Variants in UNC5D observed in about 807,000 individuals in gnomAD.
UNC5D encodes the protein netrin receptor UNC5D.
Under a neutral mutation model 105.4 loss-of-function variants are expected in UNC5D, and 39 were observed. The ratio of observed to expected loss-of-function variants is 0.37; its 90% CI spans 0.29 to 0.48. The LOEUF is 0.48. Among genes scored for constraint, UNC5D ranks in the 20% least tolerant of loss-of-function variants. The pLI is 0.98. For synonymous variants in UNC5D, 452 were observed against 450.4 expected (o/e 1.00, Z -0.04); for missense variants, 991 against 1,202.4 (o/e 0.82, Z 2.60).
chr8:35,513,288 G>A (rs1431422445), intron 1 of UNC5D, among the ~76,000 whole-genome samples: 5 of 148,446 alleles, frequency 3.4e-5, no homozygotes, highest in African/African-American at 1.3e-4. Context: ...AAGTGCAATG[G>A]TGCAGTCTCG....
At chr8:35,482,969 A>AT (rs1351436650) in intron 1 of UNC5D, among the ~76,000 whole-genome samples, 1 of 151,226 alleles carries the variant, frequency 6.6e-6, no homozygotes, top group African/African-American at 2.4e-5. Context: ...CGCCCGGCTA[A>AT]TTTTTGTATT....
intron 8 of UNC5D, among the ~76,000 whole-genome samples, chr8:35,710,619 G>A (rs527583671): frequency 1.5e-4 from 23 of 152,102 alleles, no homozygotes; most frequent in African/African-American, 1.9e-4. Context: ...AGATAATGGC[G>A]TGAATAGAGA....
intron 4 of UNC5D, among the ~76,000 whole-genome samples, chr8:35,608,098 A>C (rs1348473752): frequency 2.0e-5 from 3 of 152,208 alleles, no homozygotes; most frequent in Non-Finnish European, 4.4e-5. Context: ...TCAGGTTCCC[A>C]GGTTCCAAAT....
chr8:35,559,810 T>C (rs1050429697), intron 2 of UNC5D, among the ~76,000 whole-genome samples: 3 of 152,248 alleles, frequency 2.0e-5, no homozygotes, highest in Admixed American at 1.3e-4. Flanking sequence ...GAAAATCCTC[T>C]AACTTTTAGT....
chr8:35,612,723 CTTTTTTTTTTT>C (rs57450378), intron 4 of UNC5D, among the ~76,000 whole-genome samples: 11 of 64,742 alleles, frequency 1.7e-4, no homozygotes, highest in South Asian at 8.4e-4. Context: ...AATGTTTTGC[CTTTTTTTTTTT>C]TTTTTTTTTT....
At chr8:35,482,759 A>G (rs1008819076) in intron 1 of UNC5D, among the ~76,000 whole-genome samples, 12 of 148,356 alleles carry the variant, frequency 8.1e-5, no homozygotes, top group African/African-American at 2.8e-4. Context: ...CAAGGTAACT[A>G]CAATTACTTA....
At chr8:35,603,376 G>C (rs1265600510) in intron 4 of UNC5D, among the ~76,000 whole-genome samples, 1 of 152,138 alleles carries the variant, frequency 6.6e-6, no homozygotes, top group African/African-American at 2.4e-5. Context: ...TTAATCCTGA[G>C]TTCTAGTTTG....
rs897907673 is a variant in UNC5D, at chr8:35,620,547, TCTGCTTTTACC to T, written c.570+24894_570+24904del. ...CCCACTGTTCCGATTACCCTTTGCATCTGCTTTTACCCTGTGTGCCTGTGTGCAGTTGGGTT... is the reference window on the plus strand; with the variant it reads ...CCCACTGTTCCGATTACCCTTTGCATCTGTGTGCCTGTGTGCAGTTGGGTT... On this transcript the variant is annotated intron_variant, in intron 4 of 16. Coordinates refer to ENST00000404895, the MANE Select transcript of UNC5D (RefSeq NM_080872.4). 1.8e-3 allele frequency among the ~76,000 whole-genome samples: 277 copies of T among 152,290 alleles called. 1 individual carries two copies. Among genetic ancestry groups the T allele is most frequent in the African/African-American group, 6.5e-3 (270 of 41,564 alleles).
chr8:35,442,904 T>TCA (rs373759766), intron 1 of UNC5D, among the ~76,000 whole-genome samples: 7,803 of 141,204 alleles, frequency 0.055, 231 homozygotes, highest in East Asian at 0.097. Flanking sequence ...TCTCTCTCTC[T>TCA]CACACACACA....
rs36097305 is a variant in UNC5D at position 35,790,491 on chromosome 8, G to A, written c.2790G>A (p.Thr930=). 7,931 of 1,613,894 alleles carry A rather than the reference G, an allele frequency of 4.9e-3. 31 individuals are homozygous for A. Among genetic ancestry groups the A allele is most frequent in the Middle Eastern group, 0.03 (179 of 6,054 alleles). ...CALEEIGRTH[T]KLSNISESQL... is the part of the protein sequence containing the mutation. ...TTGAAGAGATTGGGAGGACACACAC[G>A]AAACTCTCAAACATTTCAGAATCCC... is the stretch of plus-strand genomic sequence containing the variant. The change falls in exon 17 of 17, where the codon ACG becomes ACA. Residue 930 remains threonine (T), a synonymous_variant. Transcript: ENST00000404895.
chr8:35,242,488 T>G (rs997128835), intron 1 of UNC5D, among the ~76,000 whole-genome samples: 1 of 152,152 alleles, frequency 6.6e-6, no homozygotes, highest in Admixed American at 6.5e-5. Context: ...TATTTATTTA[T>G]TTATTTTTGA....
intron 1 of UNC5D, among the ~76,000 whole-genome samples, chr8:35,437,367 G>GA (rs907086966): frequency 9.5e-5 from 14 of 147,190 alleles, no homozygotes; most frequent in African/African-American, 1.5e-4. Context: ...AAACTGCAAT[G>GA]AAAAAAAAAA....
chr8:35,601,163 C>T (rs1009644525), intron 4 of UNC5D, among the ~76,000 whole-genome samples: 4 of 152,218 alleles, frequency 2.6e-5, no homozygotes, highest in East Asian at 1.9e-4. Flanking sequence ...TTCTATATCT[C>T]GGTTTTGGTA....
At chr8:35,334,507 A>C (rs934757387) in intron 1 of UNC5D, among the ~76,000 whole-genome samples, 18 of 142,048 alleles carry the variant, frequency 1.3e-4, no homozygotes, top group African/African-American at 4.8e-4. Flanking sequence ...ACATACAATA[A>C]ACTTTTATTT....
intron 1 of UNC5D, among the ~76,000 whole-genome samples, chr8:35,304,125 T>C (rs746885937): frequency 1.3e-5 from 2 of 152,096 alleles, no homozygotes; most frequent in Non-Finnish European, 2.9e-5. Flanking sequence ...GGTTTTTTTT[T>C]CCTTAAGTGT....
At chr8:35,275,215 T>C (rs1805695279) in intron 1 of UNC5D, among the ~76,000 whole-genome samples, 1 of 151,992 alleles carries the variant, frequency 6.6e-6, no homozygotes, top group Non-Finnish European at 1.5e-5. Context: ...CCTTTTGTGC[T>C]ACCTATTTTG....
intron 1 of UNC5D, among the ~76,000 whole-genome samples, chr8:35,517,982 G>A (rs1813212531): frequency 1.3e-5 from 2 of 151,986 alleles, no homozygotes; most frequent in Admixed American, 6.6e-5. Flanking sequence ...AGCACTTCCC[G>A]GAGGCCCCCA....
chr8:35,648,786 A>G lies in UNC5D; in HGVS notation c.571-34761A>G, dbSNP rs145443111. On this transcript the variant is annotated intron_variant, in intron 4 of 16. Coordinates refer to ENST00000404895, the MANE Select transcript of UNC5D (RefSeq NM_080872.4). ...AAATTTAAAGTGGCTACTCTTAGCA[A>G]TGTACAAGTTGGGGTTCTGATAATG... is the stretch of plus-strand genomic sequence containing the variant. 6.2e-3 allele frequency among the ~76,000 whole-genome samples: 945 copies of G among 152,232 alleles called. 5 individuals are homozygous for G. The highest frequency in any genetic ancestry group is 8.4e-3 in the Non-Finnish European group (570 of 68,016).
At chr8:35,316,518 C>A (rs942343884) in intron 1 of UNC5D, among the ~76,000 whole-genome samples, 3 of 152,140 alleles carry the variant, frequency 2.0e-5, no homozygotes, top group Non-Finnish European at 2.9e-5. Context: ...AACTAACTTG[C>A]AAGGTGTGAA....
Sources: allele counts gnomAD v4.1 joint callset (sites outside exome capture counted in the v4.1 genomes callset), GRCh38; gene constraint gnomAD v4.1.1; transcripts MANE v1.5; gene names NCBI Gene and HGNC (gene_info 2026-07-23, HGNC 2026-07-21).